The following NKAIN3 variants were observed in gnomAD, a reference collection of about 807,000 sequenced individuals.
The protein encoded by NKAIN3 is sodium/potassium transporting ATPase interacting 3.
A neutral mutation model predicts 30.2 loss-of-function variants in NKAIN3; 25 were observed. The ratio of observed to expected loss-of-function variants is 0.83; its 90% CI spans 0.60 to 1.16. The LOEUF is 1.16. Among genes scored for constraint, NKAIN3 ranks in the 50% most tolerant of loss-of-function variants. NKAIN3 has a pLI of 0.00. For missense variants in NKAIN3, 225 were observed against 254.1 expected, an observed-to-expected ratio of 0.89 and a Z score of 0.78; for synonymous variants, 91 against 89.6, an observed-to-expected ratio of 1.02 and a Z score of -0.09.
intron 3 of NKAIN3, among the ~76,000 whole-genome samples, chr8:62,614,215 T>C (rs1419505322): frequency 6.6e-6 from 1 of 152,178 alleles, no homozygotes; most frequent in African/African-American, 2.4e-5. Context: ...TCTGAGCTGA[T>C]GGCATCACAA....
chr8:62,819,571 C>T (rs906556646), intron 4 of NKAIN3, among the ~76,000 whole-genome samples: 1 of 152,030 alleles, frequency 6.6e-6, no homozygotes, highest in African/African-American at 2.4e-5. Flanking sequence ...ATATTTTCTT[C>T]TCAGTCATAG....
intron 4 of NKAIN3, among the ~76,000 whole-genome samples, chr8:62,870,723 A>G (rs1820612326): frequency 1.4e-5 from 2 of 144,816 alleles, no homozygotes; most frequent in African/African-American, 2.6e-5. Flanking sequence ...ATATCTCTAT[A>G]TCTATATATC....
At chr8:62,359,524 G>A (rs945978284) in intron 1 of NKAIN3, among the ~76,000 whole-genome samples, 2 of 152,144 alleles carry the variant, frequency 1.3e-5, no homozygotes, top group African/African-American at 2.4e-5. Flanking sequence ...TCGCTGCCTC[G>A]CTTTGGTCCA....
chr8:62,265,471 A>G (rs977937053), intron 1 of NKAIN3, among the ~76,000 whole-genome samples: 3 of 152,246 alleles, frequency 2.0e-5, no homozygotes, highest in Admixed American at 6.5e-5. Context: ...TAAACTGAGC[A>G]GCTTTCAGTA....
chr8:62,404,527 G>A (rs879206833), intron 1 of NKAIN3, among the ~76,000 whole-genome samples: 1 of 152,098 alleles, frequency 6.6e-6, no homozygotes, highest in Non-Finnish European at 1.5e-5. Context: ...GGTTTTACAA[G>A]GGGCTTATGC....
chr8:62,705,895 A>T (rs75864125), intron 3 of NKAIN3, among the ~76,000 whole-genome samples: 5,041 of 152,046 alleles, frequency 0.033, 113 homozygotes, highest in Middle Eastern at 0.071. Flanking sequence ...GTTTGTTTTG[A>T]TCTTTATGGC....
At chr8:62,767,861 A>G (rs1782621181) in intron 4 of NKAIN3, among the ~76,000 whole-genome samples, 3 of 152,050 alleles carry the variant, frequency 2.0e-5, no homozygotes, top group Non-Finnish European at 2.9e-5. Context: ...GGTACAAAAA[A>G]GAAGATAAAA....
intron 2 of NKAIN3, 76 bp downstream of exon 2, chr8:62,579,752 A>G (rs1468117084): frequency 1.2e-6 from 1 of 843,614 alleles, no homozygotes; most frequent in Non-Finnish European, 1.6e-6. Flanking sequence ...AAATATTTCT[A>G]AGTGGCCCCT....
At chr8:62,604,412 G>A (rs112412997) in intron 3 of NKAIN3, among the ~76,000 whole-genome samples, 145 of 152,220 alleles carry the variant, frequency 9.5e-4, no homozygotes, top group Admixed American at 1.2e-3. Context: ...CGGTGTGCTT[G>A]CATGTTAAAA....
chr8:62,669,760 T>C (rs1813242056), intron 3 of NKAIN3, among the ~76,000 whole-genome samples: 1 of 152,080 alleles, frequency 6.6e-6, no homozygotes, highest in Non-Finnish European at 1.5e-5. Flanking sequence ...ATGGATGGGG[T>C]TGTCAGAAAC....
At chr8:62,492,633 C>T (rs143444305) in intron 1 of NKAIN3, among the ~76,000 whole-genome samples, 55 of 152,252 alleles carry the variant, frequency 3.6e-4, no homozygotes, top group Middle Eastern at 6.8e-3. Context: ...CTTGTTACTT[C>T]GCAAATTGTG....
At chr8:62,768,216 C>T (rs952747071) in intron 4 of NKAIN3, among the ~76,000 whole-genome samples, 7 of 152,134 alleles carry the variant, frequency 4.6e-5, no homozygotes, top group African/African-American at 1.7e-4. Context: ...AGTTCTGCCT[C>T]TTGTGTATCA....
chr8:62,548,903 T>C (rs1809104679), intron 1 of NKAIN3, among the ~76,000 whole-genome samples: 1 of 133,756 alleles, frequency 7.5e-6, no homozygotes, highest in Admixed American at 7.4e-5. Flanking sequence ...ATAAAATTAT[T>C]CCTTTTTCAT....
At chr8:62,637,128 G>A (rs1812155394) in intron 3 of NKAIN3, among the ~76,000 whole-genome samples, 1 of 152,260 alleles carries the variant, frequency 6.6e-6, no homozygotes, top group South Asian at 2.1e-4. Context: ...TCTAACAGCA[G>A]ACATAACTAG....
chr8:62,541,567 G>A (rs1026618824), intron 1 of NKAIN3, among the ~76,000 whole-genome samples: 1 of 151,906 alleles, frequency 6.6e-6, no homozygotes, highest in Non-Finnish European at 1.5e-5. Context: ...GCTCTGAGAA[G>A]GTCTATTAAA....
chr8:62,813,821 A>G (rs754415923), intron 4 of NKAIN3, among the ~76,000 whole-genome samples: 3 of 152,108 alleles, frequency 2.0e-5, no homozygotes, highest in Non-Finnish European at 4.4e-5. Flanking sequence ...TCCCTTAAGC[A>G]TTTATTGCAG....
intron 5 of NKAIN3, among the ~76,000 whole-genome samples, chr8:62,920,961 G>A (rs1586349069): frequency 6.6e-6 from 1 of 152,266 alleles, no homozygotes; most frequent in East Asian, 1.9e-4. Flanking sequence ...AAACAAAAGT[G>A]CAGATGTAAT....
At chr8:62,601,021 C>T (rs968227127) in intron 3 of NKAIN3, among the ~76,000 whole-genome samples, 1 of 152,032 alleles carries the variant, frequency 6.6e-6, no homozygotes, top group African/African-American at 2.4e-5. Flanking sequence ...ATATTTTAGA[C>T]CGTCAATTCA....
chr8:62,473,217 T>C (rs1806411750), intron 1 of NKAIN3: 1 of 152,310 alleles, frequency 6.6e-6, no homozygotes, highest in Non-Finnish European at 1.5e-5. Flanking sequence ...TCTGAAGAAC[T>C]TGAAAGGATG....
Sources: gnomAD v4.1 joint callset for allele counts (sites outside exome capture counted in the v4.1 genomes callset) on GRCh38, gnomAD v4.1.1 for gene constraint, MANE v1.5 for transcripts, NCBI Gene and HGNC (gene_info 2026-07-23, HGNC 2026-07-21) for gene names.